Variants in MRPS31 observed in about 807,000 individuals in gnomAD.
MRPS31 encodes small ribosomal subunit protein mS31.
A neutral mutation model predicts 43.1 loss-of-function variants in MRPS31; 32 were observed. That is an observed-to-expected ratio of 0.74 (90% CI 0.56 to 1.00). MRPS31 has a LOEUF of 1.00. Among genes scored for constraint, MRPS31 ranks in the 50% least tolerant of loss-of-function variants. The pLI, the probability that MRPS31 is intolerant of heterozygous loss-of-function variation, is 0.00. For missense variants in MRPS31, 437 were observed against 466.7 expected, an observed-to-expected ratio of 0.94 and a Z score of 0.59; for synonymous variants, 165 against 161.6, an observed-to-expected ratio of 1.02 and a Z score of -0.16.
chr13:40,748,946 T>C (rs1312812158), intron 6 of MRPS31, among the ~76,000 whole-genome samples, 192 bp downstream of exon 6: 1 of 152,228 alleles, frequency 6.6e-6, no homozygotes, highest in African/African-American at 2.4e-5. Flanking sequence ...CATTTTTCCT[T>C]ATCGAATATC....
At position 40,739,924 on chromosome 13, in the gene MRPS31, A is replaced by C. The variant is rs369729104; in HGVS notation, c.958+9214T>G. 8.6e-3 allele frequency among the ~76,000 whole-genome samples: 1,302 copies of C among 151,550 alleles called. 20 individuals carry two copies. Among genetic ancestry groups the C allele is most frequent in the African/African-American group, 0.03 (1,221 of 41,298 alleles). On this transcript the variant is annotated intron_variant, in intron 6 of 6. Coordinates refer to ENST00000323563, the MANE Select transcript of MRPS31 (RefSeq NM_005830.4). ...ACACCAAAAGCAATGGCAACAAAAG[A>C]CAAAATTGACAAATGGGATCTAATT... is the stretch of plus-strand genomic sequence containing the variant.
At chr13:40,763,298 T>C (rs1880753752) in intron 2 of MRPS31, among the ~76,000 whole-genome samples, 2 of 152,284 alleles carry the variant, frequency 1.3e-5, no homozygotes, top group South Asian at 4.2e-4. Context: ...GTAGTGTTCA[T>C]GCAGGTGACA....
intron 2 of MRPS31, among the ~76,000 whole-genome samples, chr13:40,761,047 C>T (rs1008127209): frequency 6.6e-5 from 10 of 150,480 alleles, no homozygotes; most frequent in African/African-American, 1.5e-4. Flanking sequence ...GAGGCTGAGG[C>T]GGGAGGATCG....
At chr13:40,751,119 C>A (rs1880380078) in intron 5 of MRPS31, among the ~76,000 whole-genome samples, 1 of 152,092 alleles carries the variant, frequency 6.6e-6, no homozygotes, top group Non-Finnish European at 1.5e-5. Context: ...TCTAGCCACA[C>A]ACTGACTGCT....
chr13:40,770,506 A>G (rs1880977012), intron 1 of MRPS31, among the ~76,000 whole-genome samples: 1 of 152,190 alleles, frequency 6.6e-6, no homozygotes, highest in Admixed American at 6.5e-5. Flanking sequence ...TGTTGGCTGA[A>G]TAGTGTACTC....
At chr13:40,748,168 G>T (rs910077066) in intron 6 of MRPS31, among the ~76,000 whole-genome samples, 7 of 152,068 alleles carry the variant, frequency 4.6e-5, no homozygotes, top group African/African-American at 1.7e-4. Context: ...TTGTTTGTTT[G>T]TTTTTTGAAA....
intron 3 of MRPS31, among the ~76,000 whole-genome samples, chr13:40,757,506 G>A (rs1242162730): frequency 1.3e-4 from 19 of 141,278 alleles, no homozygotes; most frequent in African/African-American, 3.5e-4. Context: ...GTGCAGTGGC[G>A]CAATCTCGGC....
At chr13:40,769,422 T>TATA (rs1880947259) in intron 1 of MRPS31, among the ~76,000 whole-genome samples, 3 of 89,282 alleles carry the variant, frequency 3.4e-5, no homozygotes, top group Admixed American at 1.4e-4. Context: ...ATATATATAT[T>TATA]ATCAAGTTCT....
chr13:40,748,499 T>C (rs1328329471), intron 6 of MRPS31, among the ~76,000 whole-genome samples: 1 of 152,242 alleles, frequency 6.6e-6, no homozygotes, highest in Non-Finnish European at 1.5e-5. Flanking sequence ...TCAATTAAAA[T>C]GTTTAGCTGA....
chr13:40,739,391 C>T (rs1175639852), intron 6 of MRPS31, among the ~76,000 whole-genome samples: 4 of 152,118 alleles, frequency 2.6e-5, no homozygotes, highest in Non-Finnish European at 1.5e-5. Flanking sequence ...TCAATGCCAT[C>T]CCCATCAAGC....
At chr13:40,762,750 T>C (rs978308773) in intron 2 of MRPS31, among the ~76,000 whole-genome samples, 3 of 151,134 alleles carry the variant, frequency 2.0e-5, no homozygotes, top group Non-Finnish European at 4.4e-5. Flanking sequence ...CTTATTTTTC[T>C]TCATGTTTCA....
rs146632808 is a variant in MRPS31 at position 40,744,909 on chromosome 13, C to T, written c.958+4229G>A. Reference sequence around the variant, plus strand: ...GATTACAGGCATGAGCCACTGCACCCAGCCCATTTTATTTTTATTTATTTA... The same window carrying T: ...GATTACAGGCATGAGCCACTGCACCTAGCCCATTTTATTTTTATTTATTTA... On this transcript the variant is annotated intron_variant, in intron 6 of 6. Transcript: ENST00000323563. Among the ~76,000 whole-genome samples, 636 of 151,748 alleles carry T rather than the reference C, an allele frequency of 4.2e-3. 4 individuals carry two copies. Among genetic ancestry groups the T allele is most frequent in the African/African-American group, 0.015 (608 of 41,354 alleles).
intron 6 of MRPS31, among the ~76,000 whole-genome samples, chr13:40,730,385 C>T (rs1443463983): frequency 2.0e-5 from 3 of 151,764 alleles, no homozygotes; most frequent in Non-Finnish European, 4.4e-5. Context: ...ATTAGCCAGG[C>T]GTGATGGCAT....
At chr13:40,749,106 AC>A in intron 6 of MRPS31, 31 bp downstream of exon 6, 1 of 1,565,302 alleles carries the variant, frequency 6.4e-7, no homozygotes, top group East Asian at 2.4e-5. Flanking sequence ...CTCAATCAAT[AC>A]GTTTTATAAT....
rs377504718 is a variant in MRPS31 at position 40,761,638 on chromosome 13, C to T, written c.441-2532G>A. Among the ~76,000 whole-genome samples the T allele has an allele frequency of 1.3e-3, 192 of 152,272 alleles. 1 individual carries two copies. The highest frequency in any genetic ancestry group is 4.5e-3 in the African/African-American group (188 of 41,574). ...ATGTAAGGAGAACTTGTTAAAGTAT[C>T]TTTTAACAATCTATTCTATCCTGTA... On this transcript the variant is annotated intron_variant, in intron 2 of 6. Transcript: ENST00000323563.
At chr13:40,753,953 C>A in intron 5 of MRPS31, 66 bp downstream of exon 5, 1 of 1,004,356 alleles carries the variant, frequency 1.0e-6, no homozygotes, top group Non-Finnish European at 1.5e-6. Flanking sequence ...ACTATTAGAA[C>A]ACTAAGGACA....
At chr13:40,745,225 T>G (rs1327624550) in intron 6 of MRPS31, among the ~76,000 whole-genome samples, 1 of 152,040 alleles carries the variant, frequency 6.6e-6, no homozygotes, top group East Asian at 1.9e-4. Flanking sequence ...CCCGGCCATA[T>G]TTTGCATTTT....
At chr13:40,752,717 C>G (rs946726094) in intron 5 of MRPS31, among the ~76,000 whole-genome samples, 1 of 151,810 alleles carries the variant, frequency 6.6e-6, no homozygotes, top group Non-Finnish European at 1.5e-5. Flanking sequence ...CGCCTAGGAA[C>G]TTATCTATCA....
chr13:40,755,647 T>A (rs1374100217), intron 4 of MRPS31, among the ~76,000 whole-genome samples: 1 of 152,132 alleles, frequency 6.6e-6, no homozygotes, highest in Non-Finnish European at 1.5e-5. Flanking sequence ...GGGGTTGATA[T>A]CCCAGATCCT....
Sources: allele counts gnomAD v4.1 joint callset (sites outside exome capture counted in the v4.1 genomes callset), GRCh38; gene constraint gnomAD v4.1.1; transcripts MANE v1.5; gene names NCBI Gene and HGNC (gene_info 2026-07-23, HGNC 2026-07-21).